The following AFG3L2 variants were observed in gnomAD, a reference collection of about 807,000 sequenced individuals.
AFG3L2 encodes the protein AFG3 like matrix AAA peptidase subunit 2, also known as mitochondrial inner membrane m-AAA protease component AFG3L2.
In AFG3L2, 54 loss-of-function variants were observed where a neutral mutation model predicts 94.5. The ratio of observed to expected loss-of-function variants is 0.57; its 90% CI spans 0.46 to 0.72. The LOEUF (loss-of-function observed/expected upper bound fraction) is 0.72, where lower values mean the gene tolerates loss of function less well. AFG3L2 is among the 30% of genes least tolerant of loss of function. The pLI, the probability that AFG3L2 is intolerant of heterozygous loss-of-function variation, is 0.00. For synonymous variants in AFG3L2, 377 were observed against 365.5 expected (o/e 1.03, Z -0.36); for missense variants, 754 against 994.9 (o/e 0.76, Z 3.26).
intron 13 of AFG3L2, among the ~76,000 whole-genome samples, chr18:12,344,807 C>T (rs1442140530): frequency 6.6e-6 from 1 of 152,114 alleles, no homozygotes; most frequent in African/African-American, 2.4e-5. Flanking sequence ...CTCCCCCATC[C>T]CCAGGCCTGC....
intron 14 of AFG3L2, chr18:12,343,739 ATTCT>A: frequency 4.5e-6 from 1 of 222,514 alleles, no homozygotes; most frequent in East Asian, 1.1e-4. Flanking sequence ...AATTTCCAGT[ATTCT>A]TTAAGTCCTG....
chr18:12,333,255 T>C (rs1231946541), intron 16 of AFG3L2, among the ~76,000 whole-genome samples: 2 of 125,396 alleles, frequency 1.6e-5, no homozygotes, highest in Non-Finnish European at 3.2e-5. Flanking sequence ...TATAAATATA[T>C]AGATTATATA....
At chr18:12,329,840 T>C (rs1907461204) in intron 16 of AFG3L2, 57 bp from the exon 17 acceptor site, 2 of 1,477,680 alleles carry the variant, frequency 1.4e-6, no homozygotes, top group East Asian at 4.6e-5. Flanking sequence ...TATTCAGAAA[T>C]ATTAATTTTT....
At chr18:12,361,784 TTATATTA>T (rs1265543233) in intron 6 of AFG3L2, among the ~76,000 whole-genome samples, 4 of 152,234 alleles carry the variant, frequency 2.6e-5, no homozygotes, top group African/African-American at 9.6e-5. Context: ...AGAGTAAGTT[TTATATTA>T]TATAACAACA....
intron 1 of AFG3L2, among the ~76,000 whole-genome samples, chr18:12,375,228 G>A (rs1909110307): frequency 6.6e-6 from 1 of 150,416 alleles, no homozygotes; most frequent in African/African-American, 2.4e-5. Context: ...CATGAATGCA[G>A]GCACTATTAT....
Position 12,332,952 on chromosome 18 carries a change from T to A in AFG3L2, c.2176-3169A>T, listed in dbSNP as rs1212230978. Among the ~76,000 whole-genome samples the A allele has an allele frequency of 3.7e-3, 68 of 18,430 alleles. 1 individual carries two copies. Among genetic ancestry groups the A allele is most frequent in the African/African-American group, 6.0e-3 (61 of 10,184 alleles). The allele number at this position is 18,430 out of a possible 152,430, so 12.1% of individuals were successfully genotyped here. On this transcript the variant is annotated intron_variant, in intron 16 of 16. Transcript: ENST00000269143. ...ATATACTATATAACATATAATATAT[T>A]ATATACTATAATATATTATATATTA...
At position 12,340,347 on chromosome 18, in the gene AFG3L2, C is replaced by A; in HGVS notation, c.1834G>T (p.Glu612Ter). Residue 612 changes from glutamate (E) to a stop codon, truncating the protein, a stop_gained, in exon 15 of 17, where the codon GAA (glutamate) becomes TAA (stop). Transcript: ENST00000269143. LOFTEE classifies it high-confidence loss of function. ...TGCTCTTTGGTATAGAGGTATTGTT[C>A]TTTTGGTAAATACTGAGCATAACCT... ...GLGYAQYLPK[E>*]QYLYTKEQLL... 4 of 1,614,156 alleles carry A rather than the reference C, an allele frequency of 2.5e-6. No individual in the cohort carries two copies. The highest frequency in any genetic ancestry group is 3.4e-6 in the Non-Finnish European group (4 of 1,180,018).
chr18:12,373,988 G>C (rs762003818), intron 1 of AFG3L2, among the ~76,000 whole-genome samples: 5 of 152,054 alleles, frequency 3.3e-5, no homozygotes, highest in African/African-American at 4.8e-5. Context: ...TCAAACCATA[G>C]TACCATATAA....
In AFG3L2 at chr18:12,340,336, G is replaced by C. The variant is rs1907908311; in HGVS notation, c.1845C>G (p.Leu615=). 2 of 1,614,026 alleles carry C rather than the reference G, an allele frequency of 1.2e-6. No individual in the cohort carries two copies. Among genetic ancestry groups the C allele is most frequent in the African/African-American group, 1.3e-5 (1 of 74,934 alleles). The part of the protein sequence containing the change: ...YAQYLPKEQY[L]YTKEQLLDRM... ...TATCCAAGAGCTGCTCTTTGGTATA[G>C]AGGTATTGTTCTTTTGGTAAATACT... The change falls in exon 15 of 17, where the codon CTC becomes CTG. Residue 615 remains leucine (L), a synonymous_variant. Transcript: ENST00000269143.
At chr18:12,349,518 G>A (rs985066573) in intron 12 of AFG3L2, among the ~76,000 whole-genome samples, 3 of 152,170 alleles carry the variant, frequency 2.0e-5, no homozygotes, top group Non-Finnish European at 4.4e-5. Context: ...ACTGATGGGT[G>A]GATCAACAAG....
chr18:12,331,503 G>A (rs1027495636), intron 16 of AFG3L2, among the ~76,000 whole-genome samples: 6 of 152,050 alleles, frequency 3.9e-5, no homozygotes, highest in African/African-American at 1.2e-4. Context: ...TCTTTTAAAT[G>A]GTACATAAAA....
intron 1 of AFG3L2, 80 bp from the exon 2 acceptor site, chr18:12,371,771 T>C: frequency 2.6e-6 from 3 of 1,138,418 alleles, no homozygotes; most frequent in South Asian, 2.6e-5. Context: ...GGTCATAAAG[T>C]AGATGAAAGG....
chr18:12,348,099 A>T (rs768519241), intron 13 of AFG3L2, among the ~76,000 whole-genome samples, 174 bp downstream of exon 13: 1 of 152,096 alleles, frequency 6.6e-6, no homozygotes, highest in Non-Finnish European at 1.5e-5. Flanking sequence ...AAGAAGGAGG[A>T]GAGGGAGGAG....
rs1908813729 is a variant in AFG3L2 at position 12,366,567 on chromosome 18, C to G, written c.552+398G>C. 2.6e-5 allele frequency among the ~76,000 whole-genome samples: 4 copies of G among 152,268 alleles called. No homozygotes were observed. In the South Asian group the frequency reaches 8.3e-4, roughly 32 times the overall value. On this transcript the variant is annotated intron_variant, in intron 5 of 16. Transcript: ENST00000269143. ...AAGACCCACAGAGGGCCCAAAGAGG[C>G]TGGCACACAACAGCACAAAGCAGGG...
At chr18:12,376,878 G>T (rs1175066881) in intron 1 of AFG3L2, 91 bp downstream of exon 1, 2 of 1,013,352 alleles carry the variant, frequency 2.0e-6, no homozygotes, top group African/African-American at 1.7e-5. Flanking sequence ...CGGCCGGAGG[G>T]CGGGGGCCAG....
chr18:12,350,172 G>A (rs1172415257), intron 12 of AFG3L2, among the ~76,000 whole-genome samples: 7 of 150,264 alleles, frequency 4.7e-5, no homozygotes, highest in South Asian at 4.2e-4. Flanking sequence ...CACCATGCCC[G>A]GCTAATTTCT....
intron 15 of AFG3L2, 33 bp downstream of exon 15, chr18:12,340,168 A>C: frequency 6.4e-7 from 1 of 1,566,846 alleles, no homozygotes; most frequent in East Asian, 2.2e-5. Flanking sequence ...ATATGAATAC[A>C]TGAGGAGGAA....
intron 15 of AFG3L2, among the ~76,000 whole-genome samples, chr18:12,339,557 A>T (rs1447474505): frequency 2.0e-5 from 3 of 150,260 alleles, no homozygotes. Flanking sequence ...CAGATCAAAA[A>T]AAAAAAAAAA....
intron 3 of AFG3L2, among the ~76,000 whole-genome samples, chr18:12,369,079 G>C (rs979044209): frequency 1.3e-5 from 2 of 152,068 alleles, no homozygotes; most frequent in African/African-American, 2.4e-5. Context: ...TGGAGTCTGA[G>C]ACAGGTATGA....
Sources: allele counts gnomAD v4.1 joint callset (sites outside exome capture counted in the v4.1 genomes callset), GRCh38; gene constraint gnomAD v4.1.1; transcripts MANE v1.5; gene names NCBI Gene and HGNC (gene_info 2026-07-23, HGNC 2026-07-21).